Variants in ANO4 observed in about 807,000 individuals in gnomAD.
ANO4 encodes the protein anoctamin-4.
In ANO4, 69 loss-of-function variants were observed where a neutral mutation model predicts 141.9. The ratio of observed to expected loss-of-function variants is 0.49; its 90% CI spans 0.40 to 0.59. The LOEUF is 0.59. Among genes scored for constraint, ANO4 ranks in the 20% least tolerant of loss-of-function variants. The pLI, the probability that ANO4 is intolerant of heterozygous loss-of-function variation, is 0.00. For missense variants in ANO4, 894 were observed against 1,162.2 expected (o/e 0.77, Z 3.36); for synonymous variants, 350 against 394.3 (o/e 0.89, Z 1.33).
chr12:101,022,702 T>C (rs1176770779), intron 9 of ANO4, among the ~76,000 whole-genome samples: 1 of 152,196 alleles, frequency 6.6e-6, no homozygotes, highest in East Asian at 1.9e-4. Context: ...AATGGCATCT[T>C]CACTAATAAT....
intron 8 of ANO4, among the ~76,000 whole-genome samples, chr12:101,003,598 C>T (rs749758736): frequency 2.6e-5 from 4 of 152,142 alleles, no homozygotes; most frequent in African/African-American, 4.8e-5. Flanking sequence ...TTGTCACATT[C>T]GCATGGCACA....
At chr12:100,918,633 C>T (rs1296220884) in intron 2 of ANO4, among the ~76,000 whole-genome samples, 2 of 152,180 alleles carry the variant, frequency 1.3e-5, no homozygotes, top group Admixed American at 6.5e-5. Context: ...CAATACATTA[C>T]TCACGTGTTT....
chr12:100,739,470 G>A (rs1272061228), intron 2 of ANO4, among the ~76,000 whole-genome samples: 1 of 152,136 alleles, frequency 6.6e-6, no homozygotes, highest in East Asian at 1.9e-4. Flanking sequence ...TTGAGATCCA[G>A]TTTTCTCATC....
intron 8 of ANO4, among the ~76,000 whole-genome samples, chr12:100,996,902 C>T (rs79989644): frequency 3.3e-5 from 5 of 152,164 alleles, no homozygotes; most frequent in Admixed American, 1.3e-4. Flanking sequence ...CCACTGTTTA[C>T]TAAACAACTC....
At chr12:100,762,560 A>C (rs2032912237) in intron 3 of ANO4, among the ~76,000 whole-genome samples, 1 of 152,168 alleles carries the variant, frequency 6.6e-6, no homozygotes, top group Admixed American at 6.5e-5. Flanking sequence ...TCTCCACATG[A>C]AAACCCAGAG....
intron 1 of ANO4, among the ~76,000 whole-genome samples, chr12:100,877,669 G>T (rs1286907707): frequency 2.0e-5 from 3 of 152,052 alleles, no homozygotes; most frequent in Non-Finnish European, 2.9e-5. Context: ...TTGAGATTTT[G>T]TGAATATCCA....
chr12:100,919,999 T>C (rs2041557761), intron 2 of ANO4, among the ~76,000 whole-genome samples: 1 of 152,072 alleles, frequency 6.6e-6, no homozygotes, highest in South Asian at 2.1e-4. Context: ...ATTCTAGTTA[T>C]CTAGTAGTCA....
At chr12:100,852,049 G>T (rs1002237257) in intron 1 of ANO4, among the ~76,000 whole-genome samples, 11 of 152,094 alleles carry the variant, frequency 7.2e-5, no homozygotes, top group African/African-American at 2.7e-4. Context: ...TAATGACACA[G>T]GAATCATTGC....
At chr12:100,723,597 G>A (rs143837851) in intron 1 of ANO4, among the ~76,000 whole-genome samples, 1 of 152,190 alleles carries the variant, frequency 6.6e-6, no homozygotes, top group Non-Finnish European at 1.5e-5. Flanking sequence ...TAAAATACAC[G>A]GGAAACGTGG....
chr12:101,056,139 T>A (rs1257152682), intron 14 of ANO4, among the ~76,000 whole-genome samples: 1 of 152,158 alleles, frequency 6.6e-6, no homozygotes, highest in Admixed American at 6.5e-5. Flanking sequence ...TCCAAAAAAA[T>A]TGTAGAATCA....
intron 7 of ANO4, among the ~76,000 whole-genome samples, chr12:100,975,768 C>A (rs1211508060): frequency 2.6e-5 from 4 of 151,952 alleles, no homozygotes; most frequent in African/African-American, 9.7e-5. Context: ...AAAAATTCCT[C>A]CCTCCACTAT....
At chr12:100,766,799 A>G in intron 3 of ANO4, among the ~76,000 whole-genome samples, 1 of 152,142 alleles carries the variant, frequency 6.6e-6, no homozygotes, top group East Asian at 1.9e-4. Flanking sequence ...GTTTATTATT[A>G]AAAATGGGGT....
chr12:101,037,554 G>A (rs1253606950), intron 10 of ANO4, among the ~76,000 whole-genome samples: 3 of 152,316 alleles, frequency 2.0e-5, no homozygotes, highest in Non-Finnish European at 4.4e-5. Context: ...ATCTTGAAAA[G>A]TCTCTGGTAA....
chr12:100,963,464 TCCA>T (rs1259811799), intron 5 of ANO4, among the ~76,000 whole-genome samples: 4 of 152,038 alleles, frequency 2.6e-5, no homozygotes, highest in African/African-American at 9.7e-5. Context: ...GAGGCTTCTC[TCCA>T]CCAGGACACT....
chr12:101,068,894 C>G (rs981771723), intron 14 of ANO4: 1 of 856,242 alleles, frequency 1.2e-6, no homozygotes, highest in South Asian at 1.3e-5. Flanking sequence ...TTAAAGCTAA[C>G]AGAGCTCCTC....
intron 8 of ANO4, among the ~76,000 whole-genome samples, chr12:101,012,126 C>T (rs577721744): frequency 9.9e-5 from 15 of 152,040 alleles, no homozygotes; most frequent in Non-Finnish European, 8.8e-5. Context: ...TATAACCTGA[C>T]AGTTTCTGGA....
At chr12:100,876,291 A>AAATAAT (rs1278575155) in intron 1 of ANO4, among the ~76,000 whole-genome samples, 1 of 151,322 alleles carries the variant, frequency 6.6e-6, no homozygotes, top group African/African-American at 2.4e-5. Flanking sequence ...AAAAAAAAAA[A>AAATAAT]AAAAACAGTG....
intron 8 of ANO4, among the ~76,000 whole-genome samples, chr12:101,010,256 GT>G (rs1566122507): frequency 6.6e-6 from 1 of 152,046 alleles, no homozygotes; most frequent in Non-Finnish European, 1.5e-5. Context: ...GTATGCAAAT[GT>G]TTAATTTTCC....
At chr12:100,920,040 T>C (rs1400831412) in intron 2 of ANO4, among the ~76,000 whole-genome samples, 3 of 152,084 alleles carry the variant, frequency 2.0e-5, no homozygotes, top group Non-Finnish European at 4.4e-5. Flanking sequence ...TATGAGCCCC[T>C]GCTTATGACA....
Sources: gnomAD v4.1 joint callset for allele counts (sites outside exome capture counted in the v4.1 genomes callset) on GRCh38, gnomAD v4.1.1 for gene constraint, MANE v1.5 for transcripts, NCBI Gene and HGNC (gene_info 2026-07-23, HGNC 2026-07-21) for gene names.